PTPRT: variants seen among roughly 807,000 people sequenced by gnomAD.
PTPRT encodes protein tyrosine phosphatase receptor type T, also known as receptor-type tyrosine-protein phosphatase T.
Under a neutral mutation model 176.8 loss-of-function variants are expected in PTPRT, and 56 were observed. The ratio of observed to expected loss-of-function variants is 0.32; its 90% CI spans 0.26 to 0.40. The LOEUF is 0.40. Ranked by LOEUF, PTPRT falls within the 10% of genes least tolerant of loss-of-function variation. The pLI is 1.00. For synonymous variants in PTPRT, 783 were observed against 739.0 expected (o/e 1.06, Z -0.96); for missense variants, 1,540 against 1,908.2 (o/e 0.81, Z 3.60).
At position 43,048,473 on chromosome 20, in the gene PTPRT, G is replaced by C. The variant is rs142101304; in HGVS notation, c.88+141173C>G. Among the ~76,000 whole-genome samples the C allele has an allele frequency of 2.8e-4, 42 of 152,178 alleles. No individual in the cohort carries two copies. In the East Asian group the frequency reaches 7.9e-3, roughly 29 times the overall value. On this transcript the variant is annotated intron_variant, in intron 1 of 30. Transcript: ENST00000373187. Reference sequence around the variant, plus strand: ...ATGGCCCCATGGCAACCCGGATTTGGCAATATAGAGAGAGGTTCAGGGGGC... The same window carrying C: ...ATGGCCCCATGGCAACCCGGATTTGCCAATATAGAGAGAGGTTCAGGGGGC...
chr20:42,730,877 C>T (rs891553878), intron 6 of PTPRT, among the ~76,000 whole-genome samples: 2 of 152,192 alleles, frequency 1.3e-5, no homozygotes, highest in Non-Finnish European at 2.9e-5. Flanking sequence ...ACTGATCCCT[C>T]GGTTGTAACT....
At chr20:42,724,129 C>T (rs2076342842) in intron 6 of PTPRT, among the ~76,000 whole-genome samples, 1 of 152,172 alleles carries the variant, frequency 6.6e-6, no homozygotes, top group Non-Finnish European at 1.5e-5. Flanking sequence ...CCTGGAGAGA[C>T]AATGGTAGGC....
intron 6 of PTPRT, among the ~76,000 whole-genome samples, chr20:42,721,406 T>C (rs1211945284): frequency 6.6e-6 from 1 of 152,120 alleles, no homozygotes; most frequent in Non-Finnish European, 1.5e-5. Flanking sequence ...CACTCAGGTC[T>C]TGGCGGTGTG....
At chr20:42,121,995 G>A (rs543128386) in intron 19 of PTPRT, among the ~76,000 whole-genome samples, 22 of 152,258 alleles carry the variant, frequency 1.4e-4, no homozygotes, top group East Asian at 3.9e-4. Context: ...GTGTGGAATC[G>A]TAGACATTGG....
intron 2 of PTPRT, among the ~76,000 whole-genome samples, chr20:42,810,194 T>C (rs1249273718): frequency 6.6e-6 from 1 of 152,082 alleles, no homozygotes; most frequent in Non-Finnish European, 1.5e-5. Context: ...CTCTGGAGGC[T>C]GAGGCAGAAG....
At chr20:42,708,219 G>A (rs924949874) in intron 6 of PTPRT, among the ~76,000 whole-genome samples, 3 of 152,028 alleles carry the variant, frequency 2.0e-5, no homozygotes, top group South Asian at 2.1e-4. Flanking sequence ...TAGGGTGACA[G>A]GATTATTAGT....
chr20:42,475,864 C>A (rs1317442147), intron 7 of PTPRT, among the ~76,000 whole-genome samples: 1 of 152,194 alleles, frequency 6.6e-6, no homozygotes, highest in Non-Finnish European at 1.5e-5. Context: ...TCTTGCCACA[C>A]AGCAAAGAGA....
chr20:42,148,832 G>A (rs182022062), intron 17 of PTPRT, among the ~76,000 whole-genome samples: 180 of 152,266 alleles, frequency 1.2e-3, no homozygotes, highest in Admixed American at 2.9e-3. Context: ...TAATATGAGC[G>A]GCCTGATTCT....
At chr20:42,327,101 G>GTA (rs2057894755) in intron 11 of PTPRT, among the ~76,000 whole-genome samples, 1 of 151,690 alleles carries the variant, frequency 6.6e-6, no homozygotes, top group African/African-American at 2.4e-5. Flanking sequence ...GTGTGTGTGT[G>GTA]TGTGTGTGTG....
At chr20:42,999,203 A>C (rs1984390671) in intron 1 of PTPRT, among the ~76,000 whole-genome samples, 1 of 152,220 alleles carries the variant, frequency 6.6e-6, no homozygotes, top group African/African-American at 2.4e-5. Context: ...TGCTAAGCAA[A>C]AACAAAGGCT....
At chr20:42,532,259 C>T (rs75669554) in intron 7 of PTPRT, among the ~76,000 whole-genome samples, 25 of 152,264 alleles carry the variant, frequency 1.6e-4, no homozygotes, top group African/African-American at 5.8e-4. Flanking sequence ...GAAGTCCCCA[C>T]CCCATAGGGC....
intron 11 of PTPRT, among the ~76,000 whole-genome samples, chr20:42,337,606 T>C (rs897771844): frequency 1.4e-4 from 22 of 152,268 alleles, no homozygotes; most frequent in Middle Eastern, 6.8e-3. Context: ...TCTCAGACTG[T>C]ACACACATGA....
At chr20:42,247,273 T>G (rs1177999632) in intron 14 of PTPRT, among the ~76,000 whole-genome samples, 1 of 152,140 alleles carries the variant, frequency 6.6e-6, no homozygotes, top group African/African-American at 2.4e-5. Context: ...CTAGTATGGT[T>G]GATCCAAAGC....
At chr20:43,184,683 T>C (rs1233751334) in intron 1 of PTPRT, among the ~76,000 whole-genome samples, 1 of 151,622 alleles carries the variant, frequency 6.6e-6, no homozygotes, top group Non-Finnish European at 1.5e-5. Flanking sequence ...AGTGAGACTC[T>C]GTCTAAAAAA....
At position 42,421,282 on chromosome 20, in the gene PTPRT, G is replaced by GCACACACACACACGCATGCA. The variant is rs2059116705; in HGVS notation, c.1560+26937_1560+26938insTGCATGCGTGTGTGTGTGTG. The stretch of plus-strand genomic sequence containing the variant: ...CACGCACGCACACACACACACGCAT[G>GCACACACACACACGCATGCA]CACACACACACACACTTTTTTAAAG... On this transcript the variant is annotated intron_variant, in intron 9 of 30. Coordinates refer to ENST00000373187, the MANE Select transcript of PTPRT (RefSeq NM_007050.6). Among the ~76,000 whole-genome samples the GCACACACACACACGCATGCA allele has an allele frequency of 2.0e-5, 3 of 150,604 alleles. No individual in the cohort carries two copies. The South Asian group carries it at 6.3e-4, about 32-fold the overall frequency.
chr20:43,056,097 G>C (rs988901034), intron 1 of PTPRT, among the ~76,000 whole-genome samples: 1 of 152,146 alleles, frequency 6.6e-6, no homozygotes, highest in African/African-American at 2.4e-5. Context: ...TGAACAAGAA[G>C]AGTCAAATCC....
intron 15 of PTPRT, among the ~76,000 whole-genome samples, chr20:42,213,552 A>G (rs1298155249): frequency 6.6e-6 from 1 of 152,212 alleles, no homozygotes; most frequent in African/African-American, 2.4e-5. Flanking sequence ...ATGTTACCTT[A>G]TTTGGAAATA....
chr20:42,759,509 A>C (rs1398630087), intron 5 of PTPRT, among the ~76,000 whole-genome samples: 1 of 152,190 alleles, frequency 6.6e-6, no homozygotes, highest in Non-Finnish European at 1.5e-5. Flanking sequence ...AGGTAGCATA[A>C]AAATGCACAG....
chr20:42,355,617 T>C (rs2058348534), intron 9 of PTPRT, among the ~76,000 whole-genome samples: 1 of 152,052 alleles, frequency 6.6e-6, no homozygotes, highest in Non-Finnish European at 1.5e-5. Flanking sequence ...TGGGGGCAAA[T>C]GGAGTTTTCA....
Sources: gnomAD v4.1 joint callset for allele counts (sites outside exome capture counted in the v4.1 genomes callset) on GRCh38, gnomAD v4.1.1 for gene constraint, MANE v1.5 for transcripts, NCBI Gene and HGNC (gene_info 2026-07-23, HGNC 2026-07-21) for gene names.